GNAS: variants seen among roughly 807,000 people sequenced by gnomAD.
GNAS encodes GNAS complex locus.
Under a neutral mutation model 54.5 loss-of-function variants are expected in GNAS, and 8 were observed. The observed-to-expected ratio is 0.15, with a 90% CI of 0.09 to 0.26. The LOEUF (loss-of-function observed/expected upper bound fraction) is 0.26. Ranked by LOEUF, GNAS falls within the 10% of genes least tolerant of loss-of-function variation. The pLI, the probability that GNAS is intolerant of heterozygous loss-of-function variation, is 1.00. For synonymous variants in GNAS, 204 were observed against 191.4 expected, an observed-to-expected ratio of 1.07 and a Z score of -0.54; for missense variants, 170 against 529.8, an observed-to-expected ratio of 0.32 and a Z score of 6.67.
chr20:58,891,939 G>A (rs1235852281), intron 1 of GNAS, 74 bp downstream of exon 1: 2 of 890,690 alleles, frequency 2.2e-6, no homozygotes, highest in Admixed American at 6.5e-5. Flanking sequence ...CGCGCGCCGA[G>A]CCCGCCCCCC....
intron 3 of GNAS, 93 bp downstream of exon 3, chr20:58,899,078 A>G (rs1046570136): frequency 7.1e-6 from 7 of 979,346 alleles, no homozygotes; most frequent in Non-Finnish European, 1.2e-5. Flanking sequence ...CGGGAAGAAA[A>G]TAAAAATCAT....
At chr20:58,840,421 A>G (rs1413112434), upstream of GNAS, 1 of 1,613,538 alleles carries the variant, frequency 6.2e-7, no homozygotes, top group Admixed American at 1.7e-5. The surrounding 1 kb of genome is among the most constrained non-coding windows in gnomAD (Gnocchi z 6.0). Context: ...AGTACGAGGA[A>G]GAGTTCGACT....
chr20:58,883,813 G>C (rs577466626), intron 1 of GNAS, among the ~76,000 whole-genome samples: 1 of 152,314 alleles, frequency 6.6e-6, no homozygotes, highest in Admixed American at 6.5e-5. Flanking sequence ...TACGAAAAGA[G>C]GGGGCAGCCC....
intron 1 of GNAS, chr20:58,842,016 G>T (rs1173295910): frequency 1.1e-5 from 9 of 810,454 alleles, no homozygotes; most frequent in African/African-American, 1.8e-5. Context: ...ACGATCAGTC[G>T]TCGAAAAGGA....
At position 58,891,650 on chromosome 20, in the gene GNAS, C is replaced by A; in HGVS notation, c.-77C>A. 1 of 970,962 alleles carries A rather than the reference C, an allele frequency of 1.0e-6. No homozygotes were observed. The highest frequency in any genetic ancestry group is 1.2e-6 in the Non-Finnish European group (1 of 822,714). 60.1% of individuals were successfully genotyped at this position (970,962 alleles called of 1,614,324 possible). The stretch of plus-strand genomic sequence containing the variant: ...GCCCGCCCGCCCGGCGCTGCCCCGG[C>A]CCTCCCGGCCCGCGTGAGGCCGCCC... On this transcript the variant is annotated 5_prime_UTR_variant, in exon 1 of 13. Transcript: ENST00000371085.
At chr20:58,864,773 T>C (rs1026085385) in intron 1 of GNAS, among the ~76,000 whole-genome samples, 7 of 152,174 alleles carry the variant, frequency 4.6e-5, no homozygotes, top group Admixed American at 2.0e-4. Flanking sequence ...CGCTGTGACT[T>C]CTCCTAGTTA....
At chr20:58,867,850 A>G (rs374115105) in intron 1 of GNAS, among the ~76,000 whole-genome samples, 14 of 152,212 alleles carry the variant, frequency 9.2e-5, no homozygotes, top group African/African-American at 3.4e-4. Flanking sequence ...TATGTATGAG[A>G]AAGTCAAGAC....
At chr20:58,860,871 A>G (rs904347720) in intron 1 of GNAS, among the ~76,000 whole-genome samples, 1 of 152,202 alleles carries the variant, frequency 6.6e-6, no homozygotes, top group African/African-American at 2.4e-5. Context: ...CATGTTGGCC[A>G]GGATGGTCTG....
chr20:58,903,603 G>A lies in GNAS; in HGVS notation c.312+18G>A. The stretch of plus-strand genomic sequence containing the variant: ...CGATTGAAGTACGTGCTGGCTCCTT[G>A]TGCTGTCTGTCTTGTAGCGCCCTCC... On this transcript the variant is annotated intron_variant, in intron 4 of 12. Coordinates refer to ENST00000371085, the MANE Select transcript of GNAS (RefSeq NM_000516.7). 6.2e-7 allele frequency: 1 copy of A among 1,614,086 alleles called. No individual in the cohort carries two copies. The highest frequency in any genetic ancestry group is 1.3e-5 in the African/African-American group (1 of 75,020).
At chr20:58,850,540 T>G (rs1031052040) in intron 1 of GNAS, 4 of 398,692 alleles carry the variant, frequency 1.0e-5, no homozygotes, top group Non-Finnish European at 1.8e-5. Context: ...CTTCCACTTG[T>G]GCAGGCTCAG....
chr20:58,855,678 G>A, intron 1 of GNAS: 1 of 662,326 alleles, frequency 1.5e-6, no homozygotes. Flanking sequence ...GGGCCCCGGG[G>A]CCCCGGGACT....
intron 1 of GNAS, among the ~76,000 whole-genome samples, chr20:58,880,270 C>T (rs2088137846): frequency 6.6e-6 from 1 of 152,052 alleles, no homozygotes; most frequent in African/African-American, 2.4e-5. Context: ...TTGATATGAC[C>T]CCCAGATGCT....
chr20:58,902,376 CA>C (rs934399844), intron 3 of GNAS, among the ~76,000 whole-genome samples: 22 of 152,168 alleles, frequency 1.4e-4, no homozygotes, highest in African/African-American at 4.6e-4. Context: ...GAAAAACATA[CA>C]GCATTTGGAT....
chr20:58,854,018 C>G (rs780969564), intron 1 of GNAS: 8 of 1,611,596 alleles, frequency 5.0e-6, no homozygotes, highest in Non-Finnish European at 6.8e-6. Flanking sequence ...AAGTCGACGG[C>G]AGCAGCCAGT....
At chr20:58,860,651 G>C (rs949233686) in intron 1 of GNAS, among the ~76,000 whole-genome samples, 1 of 151,882 alleles carries the variant, frequency 6.6e-6, no homozygotes, top group Non-Finnish European at 1.5e-5. Flanking sequence ...TTTTATGCAG[G>C]AAGGTTAGTT....
Position 58,910,944 on chromosome 20 carries a change from C to G in GNAS, c.*115C>G. On this transcript the variant is annotated 3_prime_UTR_variant, in exon 13 of 13. Transcript: ENST00000371085. The surrounding 1 kb of genome is among the most constrained non-coding windows in gnomAD (Gnocchi z 5.8). The stretch of plus-strand genomic sequence containing the variant: ...GGCATGATTAACAAAGCAACCTTTC[C>G]CTTCCCCCGAGTGATTTTGCGAAAC... The G allele has an allele frequency of 9.5e-7, 1 of 1,053,358 alleles. No individual in the cohort carries two copies. Among genetic ancestry groups the G allele is most frequent in the Non-Finnish European group, 1.4e-6 (1 of 693,750 alleles). 65.3% of individuals were successfully genotyped at this position (1,053,358 alleles called of 1,614,324 possible).
At chr20:58,849,601 C>G in intron 1 of GNAS, among the ~76,000 whole-genome samples, 1 of 152,236 alleles carries the variant, frequency 6.6e-6, no homozygotes, top group Non-Finnish European at 1.5e-5. Flanking sequence ...CAAATCAGCA[C>G]TGCCACCTTG....
At chr20:58,903,957 G>A (rs1299001424) in intron 5 of GNAS, among the ~76,000 whole-genome samples, 166 bp downstream of exon 5, 1 of 152,198 alleles carries the variant, frequency 6.6e-6, no homozygotes, top group African/African-American at 2.4e-5. Context: ...TTAATTTCAT[G>A]TGTAACCTTA....
chr20:58,907,388 G>A (rs1390582021), intron 6 of GNAS, among the ~76,000 whole-genome samples: 2 of 152,104 alleles, frequency 1.3e-5, no homozygotes, highest in South Asian at 2.1e-4. Context: ...TCAAAAGTTC[G>A]AACCAAAAGC....
Sources: gnomAD v4.1 joint callset for allele counts (sites outside exome capture counted in the v4.1 genomes callset) on GRCh38, gnomAD v4.1.1 for gene constraint, Gnocchi (gnomAD v3.1) non-coding constraint, MANE v1.5 for transcripts, NCBI Gene and HGNC (gene_info 2026-07-23, HGNC 2026-07-21) for gene names.